Variants in TACC2 observed in about 807,000 individuals in gnomAD.
TACC2 encodes the protein transforming acidic coiled-coil-containing protein 2.
A neutral mutation model predicts 227.3 loss-of-function variants in TACC2; 137 were observed. That is an observed-to-expected ratio of 0.60 (90% CI 0.52 to 0.69). The LOEUF (loss-of-function observed/expected upper bound fraction) is 0.69, where lower values mean the gene tolerates loss of function less well. Among genes scored for constraint, TACC2 ranks in the 30% least tolerant of loss-of-function variants. The pLI, the probability that TACC2 is intolerant of heterozygous loss-of-function variation, is 0.00. For synonymous variants in TACC2, 1,523 were observed against 1,487.5 expected (o/e 1.02, Z -0.55); for missense variants, 3,470 against 3,694.4 (o/e 0.94, Z 1.57).
chr10:122,138,065 C>A (rs2139060989), intron 6 of TACC2, among the ~76,000 whole-genome samples: 1 of 152,218 alleles, frequency 6.6e-6, no homozygotes, highest in South Asian at 2.1e-4. Flanking sequence ...GCTTTTATTT[C>A]TTCTCTTGCT....
chr10:122,128,876 G>GTC (rs146242546), intron 5 of TACC2, among the ~76,000 whole-genome samples: 109 of 150,154 alleles, frequency 7.3e-4, no homozygotes, highest in Non-Finnish European at 1.0e-3. Flanking sequence ...TGCTTGCGCT[G>GTC]TCTCTCTCTC....
At chr10:122,040,738 G>T (rs2074150944) in intron 2 of TACC2, among the ~76,000 whole-genome samples, 1 of 152,142 alleles carries the variant, frequency 6.6e-6, no homozygotes, top group African/African-American at 2.4e-5. Context: ...GGGTGTTTCT[G>T]TAACAAGTCC....
In TACC2 at chr10:122,087,655, TGTGC is replaced by T. The variant is rs1297167918; in HGVS notation, c.5158_5161del (p.Ala1720ProfsTer159). ...CCTGAGCACAGCTGAGACACAGGCA[TGTGC>T]GTCCGGTGATCTGCCTGAAGCAGGT... On this transcript the variant is annotated frameshift_variant, in exon 4 of 23. Coordinates refer to ENST00000369005, the MANE Select transcript of TACC2 (RefSeq NM_206862.4). LOFTEE classifies it high-confidence loss of function. 4 of 1,613,408 alleles carry T rather than the reference TGTGC, an allele frequency of 2.5e-6. No homozygotes were observed. Among genetic ancestry groups the T allele is most frequent in the Non-Finnish European group, 3.4e-6 (4 of 1,179,994 alleles).
At chr10:122,204,004 G>A (rs934209287) in intron 8 of TACC2, among the ~76,000 whole-genome samples, 5 of 151,282 alleles carry the variant, frequency 3.3e-5, no homozygotes, top group Admixed American at 6.6e-5. Context: ...AAAAAAATAC[G>A]AAAACCAGTC....
intron 7 of TACC2, among the ~76,000 whole-genome samples, chr10:122,154,856 A>G (rs191711313): frequency 5.7e-4 from 87 of 152,308 alleles, no homozygotes; most frequent in Admixed American, 2.1e-3. Context: ...TTATGCTATC[A>G]ATAGATGCTC....
chr10:122,090,767 T>G (rs12252485), intron 5 of TACC2, among the ~76,000 whole-genome samples: 7,501 of 152,036 alleles, frequency 0.049, 220 homozygotes, highest in South Asian at 0.12. Flanking sequence ...TATTTATTTT[T>G]AGACAGGGTC....
chr10:122,026,694 C>T (rs1958074508), intron 2 of TACC2, among the ~76,000 whole-genome samples: 1 of 152,144 alleles, frequency 6.6e-6, no homozygotes, highest in Admixed American at 6.6e-5. Context: ...GGGTTTTTGC[C>T]TTTTCCAGAA....
rs111316777 is a variant in TACC2, at chr10:122,094,277, C to CTTTA, written c.5573+5698_5573+5701dup. On this transcript the variant is annotated intron_variant, in intron 5 of 22. Coordinates refer to ENST00000369005, the MANE Select transcript of TACC2 (RefSeq NM_206862.4). Reference sequence around the variant, plus strand: ...TGTCATTTGGAAAAGCTTCAAGTATCTTTATTTATTTATTTTAGAGATAAG... The same window carrying CTTTA: ...TGTCATTTGGAAAAGCTTCAAGTATCTTTATTTATTTATTTATTTTAGAGATAAG... 5.3e-5 allele frequency among the ~76,000 whole-genome samples: 8 copies of CTTTA among 152,096 alleles called. 1 individual carries two copies. The highest frequency in any genetic ancestry group is 1.9e-4 in the African/African-American group (8 of 41,492).
In TACC2 at chr10:122,205,728, A is replaced by T. The variant is rs1278380503; in HGVS notation, c.5972-4669A>T. ...GCTCTGCAGAGGAAGGGGCGGATGGAGGCGGAGTCTGGGGTTTTAATGAGT... is the reference window on the plus strand; with the variant it reads ...GCTCTGCAGAGGAAGGGGCGGATGGTGGCGGAGTCTGGGGTTTTAATGAGT... On this transcript the variant is annotated intron_variant, in intron 8 of 22. Transcript: ENST00000369005. This position sits in a 1 kb window ranked among gnomAD's most constrained non-coding sequence, Gnocchi z 4.5. 6.6e-6 allele frequency among the ~76,000 whole-genome samples: 1 copy of T among 152,144 alleles called. No individual in the cohort carries two copies. Among genetic ancestry groups the T allele is most frequent in the East Asian group, 1.9e-4 (1 of 5,178 alleles).
chr10:122,154,592 G>A (rs1049334661), intron 7 of TACC2, among the ~76,000 whole-genome samples: 4 of 152,118 alleles, frequency 2.6e-5, no homozygotes, highest in African/African-American at 9.7e-5. Context: ...TGTTGTCACG[G>A]GAAGATTTTC....
chr10:122,113,608 C>T (rs1260476476), intron 5 of TACC2, among the ~76,000 whole-genome samples: 1 of 152,040 alleles, frequency 6.6e-6, no homozygotes, highest in Admixed American at 6.5e-5. Flanking sequence ...GGGTCCCGCC[C>T]TTGGGGGCCT....
At chr10:122,043,839 C>T (rs1196729329) in intron 2 of TACC2, among the ~76,000 whole-genome samples, 3 of 152,188 alleles carry the variant, frequency 2.0e-5, no homozygotes, top group African/African-American at 7.2e-5. Flanking sequence ...CTCGGCCTCC[C>T]AAAGTGCTGG....
chr10:122,004,397 C>CG (rs1954809310), intron 1 of TACC2, among the ~76,000 whole-genome samples: 1 of 104,150 alleles, frequency 9.6e-6, no homozygotes, highest in Non-Finnish European at 2.0e-5. Flanking sequence ...GACTCTGTCT[C>CG]AAAAAAAAAA....
In TACC2 at chr10:122,088,470, T is replaced by C. The variant is rs191298123; in HGVS notation, c.5460-8T>C. Reference sequence around the variant, plus strand: ...TATCCTATTAATTGCTTTCTTTTATTATCCCAGAGAGAGCCCCAGGCCTGG... The same window carrying C: ...TATCCTATTAATTGCTTTCTTTTATCATCCCAGAGAGAGCCCCAGGCCTGG... On this transcript the variant is annotated splice_polypyrimidine_tract_variant and splice_region_variant and intron_variant, in intron 4 of 22. Coordinates refer to ENST00000369005, the MANE Select transcript of TACC2 (RefSeq NM_206862.4). 296 of 1,605,132 alleles carry C rather than the reference T, an allele frequency of 1.8e-4. 1 individual carries two copies. The Admixed American group carries it at 5.0e-3, about 27-fold the overall frequency.
chr10:122,081,668 C>T (rs2079522961), intron 3 of TACC2, among the ~76,000 whole-genome samples: 1 of 152,112 alleles, frequency 6.6e-6, no homozygotes, highest in Admixed American at 6.5e-5. Context: ...GCCAAGTTCC[C>T]CCAAGTTCCC....
intron 10 of TACC2, among the ~76,000 whole-genome samples, chr10:122,216,318 G>A (rs1457396302): frequency 5.3e-5 from 8 of 151,988 alleles, no homozygotes; most frequent in Admixed American, 3.3e-4. Flanking sequence ...TGTGAGCCTC[G>A]CACAGCAGTC....
In TACC2 at chr10:122,085,854, A is replaced by G; in HGVS notation, c.3354A>G (p.Pro1118=). The change falls in exon 4 of 23, where the codon CCA becomes CCG. Residue 1118 remains proline, a synonymous_variant. Transcript: ENST00000369005. Reference sequence around the variant, plus strand: ...CCCCAAAGCTTCTTGCAAGTTTCCCATCAGCTGGGGAGCAAGGTGGTGAAG... The same window carrying G: ...CCCCAAAGCTTCTTGCAAGTTTCCCGTCAGCTGGGGAGCAAGGTGGTGAAG... The part of the protein sequence containing the change: ...AESPKLLASF[P]SAGEQGGEAG... 3 of 1,613,034 alleles carry G rather than the reference A, an allele frequency of 1.9e-6. No individual in the cohort carries two copies. Among genetic ancestry groups the G allele is most frequent in the Non-Finnish European group, 2.5e-6 (3 of 1,179,476 alleles).
At chr10:122,234,093 C>T (rs759913175) in intron 16 of TACC2, among the ~76,000 whole-genome samples, 7 of 152,216 alleles carry the variant, frequency 4.6e-5, no homozygotes, top group African/African-American at 1.7e-4. Flanking sequence ...TGGCATGGCT[C>T]TCCCAGCCTC....
intron 3 of TACC2, among the ~76,000 whole-genome samples, chr10:122,066,781 A>G (rs997370540): frequency 6.6e-6 from 1 of 152,246 alleles, no homozygotes; most frequent in African/African-American, 2.4e-5. Context: ...GTTTAAATCT[A>G]TAGTCTTATT....
Sources: allele counts gnomAD v4.1 joint callset (sites outside exome capture counted in the v4.1 genomes callset), GRCh38; gene constraint gnomAD v4.1.1; non-coding constraint Gnocchi (gnomAD v3.1); transcripts MANE v1.5; gene names NCBI Gene and HGNC (gene_info 2026-07-23, HGNC 2026-07-21).